Variants in SLF1 observed in about 807,000 individuals in gnomAD.
SLF1 encodes the protein SMC5-SMC6 complex localization factor protein 1.
Under a neutral mutation model 123.0 loss-of-function variants are expected in SLF1, and 105 were observed. That is an observed-to-expected ratio of 0.85 (90% CI 0.73 to 1.00). SLF1 has a LOEUF of 1.00. Among genes scored for constraint, SLF1 ranks in the 50% least tolerant of loss-of-function variants. The pLI is 0.00. For synonymous variants in SLF1, 434 were observed against 406.6 expected, an observed-to-expected ratio of 1.07 and a Z score of -0.81; for missense variants, 1,239 against 1,223.0, an observed-to-expected ratio of 1.01 and a Z score of -0.20.
chr5:94,629,121 T>A lies in SLF1; in HGVS notation c.144T>A (p.Ala48=). ...EKYKNCTHLI[A]ERLCKSEKFL... Reference sequence around the variant, plus strand: ...ACAAAAATTGTACACATCTTATAGCTGAACGCCTATGTAAGAGTGAAAAAT... The same window carrying A: ...ACAAAAATTGTACACATCTTATAGCAGAACGCCTATGTAAGAGTGAAAAAT... Residue 48 remains alanine (A), a synonymous_variant, in exon 3 of 21, where the codon GCT becomes GCA. Transcript: ENST00000265140. 6.5e-7 allele frequency: 1 copy of A among 1,549,178 alleles called. No individual in the cohort carries two copies.
intron 15 of SLF1, among the ~76,000 whole-genome samples, chr5:94,683,096 T>C (rs1468100572): frequency 6.6e-6 from 1 of 152,222 alleles, no homozygotes; most frequent in Non-Finnish European, 1.5e-5. Context: ...AAATTTACTA[T>C]AGGTTTTTTT....
chr5:94,670,888 G>A lies in SLF1; in HGVS notation c.1707G>A (p.Lys569=), dbSNP rs1289585044. The part of the protein sequence containing the change: ...SDSQNLKITG[K]AMLLEIFWSG... ...CTCAGAATCTGAAAATAACAGGAAAGGCAATGCTTCTTGAAATTTTTTGGT... is the reference window on the plus strand; with the variant it reads ...CTCAGAATCTGAAAATAACAGGAAAAGCAATGCTTCTTGAAATTTTTTGGT... Residue 569 remains lysine (K), a synonymous_variant, in exon 14 of 21, where the codon AAG becomes AAA. Coordinates refer to ENST00000265140, the MANE Select transcript of SLF1 (RefSeq NM_032290.4). 6.5e-7 allele frequency: 1 copy of A among 1,550,058 alleles called. No homozygotes were observed. The highest frequency in any genetic ancestry group is 8.7e-7 in the Non-Finnish European group (1 of 1,145,934).
chr5:94,691,514 TAGTTG>T, intron 18 of SLF1, 45 bp from the exon 19 acceptor site: 1 of 1,455,716 alleles, frequency 6.9e-7, no homozygotes, highest in Middle Eastern at 1.8e-4. Flanking sequence ...TTATTTTTTT[TAGTTG>T]ATATCTTGTC....
chr5:94,634,363 T>C (rs1027790145), intron 4 of SLF1, among the ~76,000 whole-genome samples: 2 of 152,226 alleles, frequency 1.3e-5, no homozygotes, highest in Non-Finnish European at 2.9e-5. Flanking sequence ...TCTGCACCTA[T>C]GCGTTCAACT....
chr5:94,625,382 T>A (rs1792145617), intron 1 of SLF1, among the ~76,000 whole-genome samples: 1 of 151,788 alleles, frequency 6.6e-6, no homozygotes, highest in African/African-American at 2.4e-5. Context: ...TTTTTAATTT[T>A]ATTTATTTAT....
intron 4 of SLF1, 65 bp from the exon 5 acceptor site, chr5:94,643,208 T>G (rs1746645313): frequency 8.0e-7 from 1 of 1,251,372 alleles, no homozygotes; most frequent in Middle Eastern, 2.5e-4. Flanking sequence ...ATAATTAATT[T>G]AGATAATTTG....
intron 1 of SLF1, chr5:94,620,147 T>TG (rs1791597897): frequency 6.6e-6 from 1 of 152,428 alleles, no homozygotes; most frequent in Non-Finnish European, 1.5e-5. Context: ...CCCAAAGTGC[T>TG]GGGATTACAG....
Position 94,649,526 on chromosome 5 carries a change from A to G in SLF1, c.667A>G (p.Lys223Glu). ...WTEHSNEETN[K>E]DFRKDAGFLE... is the part of the protein sequence containing the mutation. ...TGAACATAGCAATGAAGAAACAAACAAAGATTTCAGGAAAGATGCAGGATT... is the reference window on the plus strand; with the variant it reads ...TGAACATAGCAATGAAGAAACAAACGAAGATTTCAGGAAAGATGCAGGATT... The change falls in exon 6 of 21, where the codon AAA becomes GAA. Residue 223 changes from lysine to glutamate, a missense_variant. Transcript: ENST00000265140. 1 of 1,543,536 alleles carries G rather than the reference A, an allele frequency of 6.5e-7. No individual in the cohort carries two copies. Among genetic ancestry groups the G allele is most frequent in the Non-Finnish European group, 8.8e-7 (1 of 1,141,196 alleles).
At chr5:94,689,425 C>A (rs573971381) in intron 17 of SLF1, 48 bp from the exon 18 acceptor site, 1 of 1,577,238 alleles carries the variant, frequency 6.3e-7, no homozygotes. Context: ...TATGCTGGCA[C>A]GCCTTGCTGA....
chr5:94,679,568 G>A (rs895054625), intron 15 of SLF1, among the ~76,000 whole-genome samples: 1 of 151,918 alleles, frequency 6.6e-6, no homozygotes, highest in South Asian at 2.1e-4. Context: ...CTCCAGCCTG[G>A]GTGACAGAGC....
chr5:94,670,579 A>G (rs970591563), intron 13 of SLF1, among the ~76,000 whole-genome samples: 3 of 151,812 alleles, frequency 2.0e-5, no homozygotes, highest in Non-Finnish European at 4.4e-5. Flanking sequence ...AACTACACCA[A>G]TTTTAAACAC....
At position 94,632,940 on chromosome 5, in the gene SLF1, C is replaced by T. The variant is rs569230143; in HGVS notation, c.431+2197C>T. On this transcript the variant is annotated intron_variant, in intron 4 of 20. Coordinates refer to ENST00000265140, the MANE Select transcript of SLF1 (RefSeq NM_032290.4). Reference sequence around the variant, plus strand: ...TCCTGACCTCGTGATCTGCCCGCCTCGGCCTCCTAGAGTGGTGGAATTACA... The same window carrying T: ...TCCTGACCTCGTGATCTGCCCGCCTTGGCCTCCTAGAGTGGTGGAATTACA... Among the ~76,000 whole-genome samples, 53 of 152,058 alleles carry T rather than the reference C, an allele frequency of 3.5e-4. No homozygotes were observed. In the South Asian group the frequency reaches 6.4e-3, roughly 18 times the overall value.
chr5:94,668,299 C>A (rs1750047886), intron 12 of SLF1, among the ~76,000 whole-genome samples: 1 of 152,122 alleles, frequency 6.6e-6, no homozygotes, highest in Non-Finnish European at 1.5e-5. Flanking sequence ...CACCACCACA[C>A]CTGGCCAATT....
intron 4 of SLF1, among the ~76,000 whole-genome samples, chr5:94,640,369 C>G (rs1348386883): frequency 6.6e-6 from 1 of 151,692 alleles, no homozygotes; most frequent in African/African-American, 2.4e-5. Context: ...TCTTTTTTTC[C>G]GTTTGTATCA....
intron 14 of SLF1, among the ~76,000 whole-genome samples, chr5:94,676,693 T>A (rs1751109214): frequency 6.6e-6 from 1 of 152,258 alleles, no homozygotes; most frequent in Admixed American, 6.5e-5. Flanking sequence ...GCCCTTGATG[T>A]GATAGGACAA....
In SLF1 at chr5:94,697,178, G is replaced by GTC. The variant is rs1358504287; in HGVS notation, c.*1870_*1871dup. The GTC allele has an allele frequency of 6.6e-6, 1 of 151,796 alleles. No homozygotes were observed. Among genetic ancestry groups the GTC allele is most frequent in the Non-Finnish European group, 1.5e-5 (1 of 67,876 alleles). The allele number at this position is 151,796 out of a possible 1,614,324, so 9.4% of individuals were successfully genotyped here. A position where few individuals can be genotyped will look rare whatever the true frequency, so the allele number is the denominator to read the frequency against. On this transcript the variant is annotated 3_prime_UTR_variant, in exon 21 of 21. Coordinates refer to ENST00000265140, the MANE Select transcript of SLF1 (RefSeq NM_032290.4). ...GAAGTGTGAAACAGATGTCACTGAG[G>GTC]TCTCTGCCTTTAAGAAGTTTTACAC...
At chr5:94,688,990 A>C (rs1223612972) in intron 17 of SLF1, among the ~76,000 whole-genome samples, 3 of 151,796 alleles carry the variant, frequency 2.0e-5, no homozygotes. Flanking sequence ...ATGCATGGTC[A>C]TATGAGATAT....
At chr5:94,673,435 T>TA (rs1425595138) in intron 14 of SLF1, among the ~76,000 whole-genome samples, 1 of 152,028 alleles carries the variant, frequency 6.6e-6, no homozygotes, top group Non-Finnish European at 1.5e-5. Context: ...AGCACTTTGA[T>TA]ATGCTGAAGT....
rs556793106 is a variant in SLF1 at position 94,641,196 on chromosome 5, C to T, written c.432-2077C>T. On this transcript the variant is annotated intron_variant, in intron 4 of 20. Transcript: ENST00000265140. ...GTTCCCTCCCGCCCGCCCCACCCCC[C>T]CACAAAAACTCATGTTGAAATTTAA... Among the ~76,000 whole-genome samples, 9 of 150,486 alleles carry T rather than the reference C, an allele frequency of 6.0e-5. 1 individual carries two copies. The South Asian group carries it at 1.7e-3, about 29-fold the overall frequency.
Sources: allele counts gnomAD v4.1 joint callset (sites outside exome capture counted in the v4.1 genomes callset), GRCh38; gene constraint gnomAD v4.1.1; transcripts MANE v1.5; gene names NCBI Gene and HGNC (gene_info 2026-07-23, HGNC 2026-07-21).